The following MTA3 variants were observed in gnomAD, a reference collection of about 807,000 sequenced individuals.
The protein encoded by MTA3 is metastasis associated 1 family member 3.
Under a neutral mutation model 83.5 loss-of-function variants are expected in MTA3, and 34 were observed. The observed-to-expected ratio is 0.41, with a 90% confidence interval of 0.31 to 0.54. The LOEUF is 0.54. Ranked by LOEUF, MTA3 falls within the 20% of genes least tolerant of loss-of-function variation. The probability of loss-of-function intolerance (pLI) is 0.33; values close to 1 mark genes in which losing one functional copy is unlikely to be tolerated. For missense variants in MTA3, 761 were observed against 726.4 expected (o/e 1.05, Z -0.55); for synonymous variants, 303 against 252.7 (o/e 1.20, Z -1.89).
At chr2:42,494,683 C>T (rs1202896228) in exon 1 of MTA3, 1 of 152,300 alleles carries the variant, frequency 6.6e-6, no homozygotes, top group Non-Finnish European at 1.5e-5. Context: ...GCGCCTGGAC[C>T]CTCTCGAGAT....
At chr2:42,711,182 G>A (rs993571377) in intron 14 of MTA3, among the ~76,000 whole-genome samples, 5 of 152,130 alleles carry the variant, frequency 3.3e-5, no homozygotes, top group Non-Finnish European at 7.3e-5. Context: ...CTTTGTCCTA[G>A]GACTAGAAGA....
intron 8 of MTA3, among the ~76,000 whole-genome samples, chr2:42,674,318 G>A (rs1326383444): frequency 1.3e-5 from 2 of 152,202 alleles, no homozygotes; most frequent in African/African-American, 4.8e-5. Context: ...GTGTGGTTCT[G>A]CTTAACAAAA....
intron 9 of MTA3, among the ~76,000 whole-genome samples, chr2:42,688,993 C>T (rs576846078): frequency 1.3e-5 from 2 of 151,984 alleles, no homozygotes; most frequent in Admixed American, 6.5e-5. Flanking sequence ...CTTTTAATGA[C>T]GAGCAAGTTC....
chr2:42,641,133 C>T (rs1486103075), intron 5 of MTA3, among the ~76,000 whole-genome samples: 2 of 151,604 alleles, frequency 1.3e-5, no homozygotes, highest in Non-Finnish European at 2.9e-5. Context: ...TCTTCAACTC[C>T]TGGCCTCAGG....
At chr2:42,525,631 T>TTCCTTCCTTC (rs1675671868) in intron 2 of MTA3, among the ~76,000 whole-genome samples, 3 of 139,448 alleles carry the variant, frequency 2.2e-5, no homozygotes, top group South Asian at 4.5e-4. Context: ...TCCTACTTTC[T>TTCCTTCCTTC]TTCTTTCTTT....
At chr2:42,691,321 T>C (rs1692878657) in intron 9 of MTA3, among the ~76,000 whole-genome samples, 1 of 152,186 alleles carries the variant, frequency 6.6e-6, no homozygotes, top group Admixed American at 6.6e-5. Context: ...TATGAAATAC[T>C]TTGATACAGG....
intron 3 of MTA3, among the ~76,000 whole-genome samples, chr2:42,608,150 T>C (rs1244089619): frequency 1.3e-5 from 2 of 152,258 alleles, no homozygotes; most frequent in Non-Finnish European, 2.9e-5. Flanking sequence ...GTTGCTGTTG[T>C]AGAGCTGGTT....
intron 8 of MTA3, among the ~76,000 whole-genome samples, chr2:42,675,654 T>A (rs1691279188): frequency 6.6e-6 from 1 of 152,162 alleles, no homozygotes; most frequent in Admixed American, 6.5e-5. Flanking sequence ...CAATTAGTTG[T>A]TCATTTTTTC....
At chr2:42,635,053 A>G (rs1219890404) in intron 4 of MTA3, among the ~76,000 whole-genome samples, 1 of 152,186 alleles carries the variant, frequency 6.6e-6, no homozygotes, top group Non-Finnish European at 1.5e-5. Context: ...TCATATATCT[A>G]AAAATATTTC....
intron 16 of MTA3, among the ~76,000 whole-genome samples, chr2:42,737,461 C>T (rs551956328): frequency 6.6e-6 from 1 of 152,250 alleles, no homozygotes; most frequent in African/African-American, 2.4e-5. Flanking sequence ...CCTCCCTCTT[C>T]CCTTCCCTCT....
At chr2:42,559,186 A>G (rs574820822) in intron 2 of MTA3, among the ~76,000 whole-genome samples, 1 of 152,156 alleles carries the variant, frequency 6.6e-6, no homozygotes, top group African/African-American at 2.4e-5. Context: ...ACACATGTCT[A>G]TAAGCACCTG....
At chr2:42,606,439 C>T (rs1003244794) in intron 3 of MTA3, among the ~76,000 whole-genome samples, 1 of 147,952 alleles carries the variant, frequency 6.8e-6, no homozygotes, top group South Asian at 2.1e-4. Context: ...GGGGCAGAGG[C>T]GCTCCCCACA....
exon 1 of MTA3, chr2:42,494,570 G>A (rs1674042068): frequency 6.6e-6 from 1 of 152,220 alleles, no homozygotes; most frequent in African/African-American, 2.4e-5. Flanking sequence ...CCATCCCCCA[G>A]CCTCGGTGCC....
chr2:42,646,201 T>A (rs2104323100), intron 6 of MTA3, among the ~76,000 whole-genome samples: 1 of 152,350 alleles, frequency 6.6e-6, no homozygotes, highest in East Asian at 1.9e-4. Flanking sequence ...TTAAAAATTC[T>A]TTTCAAAAAC....
At chr2:42,551,331 C>G (rs915518954) in intron 2 of MTA3, among the ~76,000 whole-genome samples, 1 of 151,978 alleles carries the variant, frequency 6.6e-6, no homozygotes, top group African/African-American at 2.4e-5. Context: ...GCTGGGATTA[C>G]AGATGCACAC....
At chr2:42,537,686 G>A (rs565480254) in intron 2 of MTA3, among the ~76,000 whole-genome samples, 59 of 152,276 alleles carry the variant, frequency 3.9e-4, no homozygotes, top group Non-Finnish European at 6.0e-4. Context: ...AATGCATTGC[G>A]TAATCATTTA....
chr2:42,588,664 T>C (rs1680614790), intron 3 of MTA3, among the ~76,000 whole-genome samples: 1 of 152,168 alleles, frequency 6.6e-6, no homozygotes, highest in Non-Finnish European at 1.5e-5. Flanking sequence ...CAAAAGATTA[T>C]TAATTATACT....
chr2:42,723,037 T>C lies in MTA3; in HGVS notation c.1759+2T>C. Reference sequence around the variant, plus strand: ...ACAGTCATCACAATGGTCTGGATGGTATGTAAGCCCAGGAATTCTGGAGGC... The same window carrying C: ...ACAGTCATCACAATGGTCTGGATGGCATGTAAGCCCAGGAATTCTGGAGGC... On this transcript the variant is annotated splice_donor_variant, in intron 16 of 16. Transcript: ENST00000405094. LOFTEE classifies it high-confidence loss of function. The C allele has an allele frequency of 1.9e-6, 3 of 1,550,396 alleles. No homozygotes were observed. The highest frequency in any genetic ancestry group is 2.6e-6 in the Non-Finnish European group (3 of 1,146,796).
chr2:42,570,721 A>T (rs1678375285), intron 2 of MTA3, among the ~76,000 whole-genome samples: 2 of 151,962 alleles, frequency 1.3e-5, no homozygotes, highest in Non-Finnish European at 2.9e-5. Flanking sequence ...TATAAAAAGT[A>T]AAAATATGGC....
Sources: allele counts gnomAD v4.1 joint callset (sites outside exome capture counted in the v4.1 genomes callset), GRCh38; gene constraint gnomAD v4.1.1; transcripts MANE v1.5; gene names NCBI Gene and HGNC (gene_info 2026-07-23, HGNC 2026-07-21).